LRP1B: variants seen among roughly 807,000 people sequenced by gnomAD.
LRP1B encodes LDL receptor related protein 1B.
In LRP1B, 217 loss-of-function variants were observed where a neutral mutation model predicts 556.6. The observed-to-expected ratio is 0.39, with a 90% CI of 0.35 to 0.44. The LOEUF (loss-of-function observed/expected upper bound fraction) is 0.44, where lower values mean the gene tolerates loss of function less well. LRP1B is among the 20% of genes least tolerant of loss of function. The probability of loss-of-function intolerance (pLI) is 1.00; values close to 1 mark genes in which losing one functional copy is unlikely to be tolerated. For synonymous variants in LRP1B, 2,047 were observed against 1,865.8 expected, an observed-to-expected ratio of 1.10 and a Z score of -2.50; for missense variants, 5,053 against 5,620.8, an observed-to-expected ratio of 0.90 and a Z score of 3.23.
At chr2:141,208,060 T>C (rs1682362874) in intron 6 of LRP1B, 1 of 152,234 alleles carries the variant, frequency 6.6e-6, no homozygotes, top group Non-Finnish European at 1.5e-5. Context: ...GGGCTTTCTC[T>C]ACCATTCAGT....
chr2:140,338,048 A>G (rs1380621431), intron 77 of LRP1B, among the ~76,000 whole-genome samples: 9 of 151,192 alleles, frequency 6.0e-5, no homozygotes, highest in Non-Finnish European at 8.9e-5. Context: ...TCTAGGGTAA[A>G]GAACATGGAT....
chr2:140,479,309 A>G (rs1688121114), intron 59 of LRP1B, among the ~76,000 whole-genome samples: 1 of 152,190 alleles, frequency 6.6e-6, no homozygotes, highest in African/African-American at 2.4e-5. Context: ...TTACCTATGT[A>G]AAAATGTATT....
chr2:140,630,280 T>A (rs959108313), intron 41 of LRP1B, among the ~76,000 whole-genome samples: 1 of 152,174 alleles, frequency 6.6e-6, no homozygotes, highest in Admixed American at 6.5e-5. Flanking sequence ...GCATAGTGAT[T>A]AAGAGTAAAG....
At chr2:141,759,884 A>T in intron 2 of LRP1B, among the ~76,000 whole-genome samples, 1 of 152,156 alleles carries the variant, frequency 6.6e-6, no homozygotes, top group East Asian at 1.9e-4. Flanking sequence ...TAATCCCAGC[A>T]CTTTGGTAGG....
At chr2:140,802,546 A>C (rs1487365688) in intron 32 of LRP1B, among the ~76,000 whole-genome samples, 1 of 152,224 alleles carries the variant, frequency 6.6e-6, no homozygotes, top group Non-Finnish European at 1.5e-5. Flanking sequence ...AGCCATCAAC[A>C]TCAATTCCAC....
intron 3 of LRP1B, among the ~76,000 whole-genome samples, chr2:141,264,935 A>G (rs1205798912): frequency 2.0e-5 from 3 of 152,210 alleles, no homozygotes; most frequent in African/African-American, 7.2e-5. Context: ...TCTTGGAGGC[A>G]GGCAGGGCCG....
intron 32 of LRP1B, among the ~76,000 whole-genome samples, chr2:140,776,869 T>C (rs1303950032): frequency 6.6e-6 from 1 of 151,744 alleles, no homozygotes; most frequent in Non-Finnish European, 1.5e-5. Context: ...GTGCCACAGA[T>C]AAAAAAATAG....
chr2:141,390,626 CT>C lies in LRP1B; in HGVS notation c.343+89769del, dbSNP rs547379553. ...AATAGGAATGAAGTACTGATACATT[CT>C]ACAACATGGACAAATCTCAAAAACA... On this transcript the variant is annotated intron_variant, in intron 3 of 90. Coordinates refer to ENST00000389484, the MANE Select transcript of LRP1B (RefSeq NM_018557.3). Among the ~76,000 whole-genome samples the C allele has an allele frequency of 2.6e-3, 402 of 152,298 alleles. 1 individual carries two copies. Among genetic ancestry groups the C allele is most frequent in the African/African-American group, 9.2e-3 (382 of 41,566 alleles).
intron 1 of LRP1B, among the ~76,000 whole-genome samples, chr2:142,075,506 C>T (rs1705465202): frequency 6.6e-6 from 1 of 151,982 alleles, no homozygotes; most frequent in Non-Finnish European, 1.5e-5. Context: ...ATATAAGGTG[C>T]TTATAACCAA....
intron 2 of LRP1B, among the ~76,000 whole-genome samples, chr2:141,516,660 G>A (rs886164278): frequency 2.0e-5 from 3 of 150,908 alleles, no homozygotes; most frequent in Non-Finnish European, 2.9e-5. Context: ...GTATTCCACC[G>A]GAGTAAGGAG....
At chr2:140,940,938 T>C (rs771989801) in intron 20 of LRP1B, among the ~76,000 whole-genome samples, 69 of 152,176 alleles carry the variant, frequency 4.5e-4, no homozygotes, top group Non-Finnish European at 1.6e-4. Context: ...ATCTGTTTCT[T>C]GACTTTTTAA....
chr2:141,074,589 C>CTCTCTCTCTCTA (rs10643830), intron 7 of LRP1B, among the ~76,000 whole-genome samples: 19 of 136,476 alleles, frequency 1.4e-4, no homozygotes, highest in African/African-American at 3.2e-4. Flanking sequence ...CTCTCTCTCT[C>CTCTCTCTCTCTA]TATATATATA....
intron 20 of LRP1B, among the ~76,000 whole-genome samples, chr2:140,933,067 A>T (rs956751088): frequency 1.3e-5 from 2 of 152,050 alleles, no homozygotes; most frequent in Non-Finnish European, 2.9e-5. Flanking sequence ...AGTTATTCAT[A>T]AAAAGGTTTT....
chr2:140,651,431 A>G, intron 41 of LRP1B, among the ~76,000 whole-genome samples: 1 of 149,438 alleles, frequency 6.7e-6, no homozygotes, highest in Non-Finnish European at 1.5e-5. Flanking sequence ...GCAGCGCACC[A>G]GCATGGCACA....
intron 66 of LRP1B, among the ~76,000 whole-genome samples, chr2:140,437,691 A>G (rs925756649): frequency 2.0e-5 from 3 of 152,232 alleles, no homozygotes; most frequent in Non-Finnish European, 4.4e-5. Flanking sequence ...GTATATTTAC[A>G]AAGTATATCT....
chr2:142,108,901 A>C (rs566094211), intron 1 of LRP1B, among the ~76,000 whole-genome samples: 240 of 152,276 alleles, frequency 1.6e-3, no homozygotes, highest in African/African-American at 5.4e-3. Context: ...TTTTGTCTCC[A>C]GCCTTCAGCT....
At chr2:141,342,479 A>T (rs1293472459) in intron 3 of LRP1B, among the ~76,000 whole-genome samples, 3 of 151,818 alleles carry the variant, frequency 2.0e-5, no homozygotes, top group Non-Finnish European at 4.4e-5. Flanking sequence ...CACCAACTTA[A>T]ACTCACAAGG....
At chr2:141,446,106 AT>A (rs1336689402) in intron 3 of LRP1B, among the ~76,000 whole-genome samples, 1 of 152,086 alleles carries the variant, frequency 6.6e-6, no homozygotes, top group Non-Finnish European at 1.5e-5. Flanking sequence ...GTGCTCCTGT[AT>A]TGTGTGCATA....
chr2:141,063,280 A>G (rs750907805), intron 7 of LRP1B, among the ~76,000 whole-genome samples: 19 of 151,834 alleles, frequency 1.3e-4, no homozygotes, highest in Admixed American at 4.0e-4. Flanking sequence ...ACTTTTCTCA[A>G]CATACTTACA....
Sources: allele counts gnomAD v4.1 joint callset (sites outside exome capture counted in the v4.1 genomes callset), GRCh38; gene constraint gnomAD v4.1.1; transcripts MANE v1.5; gene names NCBI Gene and HGNC (gene_info 2026-07-23, HGNC 2026-07-21).